The following PLXDC1 variants were observed in gnomAD, a reference collection of about 807,000 sequenced individuals.
PLXDC1 encodes plexin domain-containing protein 1.
Under a neutral mutation model 61.3 loss-of-function variants are expected in PLXDC1, and 39 were observed. That is an observed-to-expected ratio of 0.64 (90% CI 0.49 to 0.83). PLXDC1 has a LOEUF of 0.83. PLXDC1 is among the 40% of genes least tolerant of loss of function. PLXDC1 has a pLI of 0.00. For missense variants in PLXDC1, 596 were observed against 666.5 expected, an observed-to-expected ratio of 0.89 and a Z score of 1.17; for synonymous variants, 212 against 254.5, an observed-to-expected ratio of 0.83 and a Z score of 1.59.
intron 2 of PLXDC1, among the ~76,000 whole-genome samples, chr17:39,121,658 A>G (rs552554696): frequency 8.5e-5 from 13 of 152,324 alleles, no homozygotes; most frequent in African/African-American, 1.9e-4. Context: ...CTGCCTCCCA[A>G]TAACCACTCT....
chr17:39,113,822 C>G lies in PLXDC1; in HGVS notation c.256-4431G>C, dbSNP rs114229632. 3.9e-3 allele frequency among the ~76,000 whole-genome samples: 596 copies of G among 151,200 alleles called. 3 individuals carry two copies. Among genetic ancestry groups the G allele is most frequent in the African/African-American group, 0.014 (576 of 41,150 alleles). ...GCTGTGATTGAGCCACTGCACTCAG[C>G]CTGAGTGACACAGTGAGACTCTGTC... is the stretch of plus-strand genomic sequence containing the variant. On this transcript the variant is annotated intron_variant, in intron 2 of 13. Transcript: ENST00000315392.
intron 7 of PLXDC1, among the ~76,000 whole-genome samples, chr17:39,097,902 T>TA (rs71141758): frequency 0.28 from 28,787 of 102,616 alleles, 3,965 homozygotes; most frequent in Middle Eastern, 0.36. Context: ...ACCCTGTCTA[T>TA]AAAAAAAAAA....
intron 7 of PLXDC1, among the ~76,000 whole-genome samples, chr17:39,105,280 G>A (rs1910554706): frequency 1.3e-5 from 2 of 152,298 alleles, no homozygotes; most frequent in African/African-American, 4.8e-5. Flanking sequence ...TCGTGAGCAC[G>A]CAATGGGGGT....
intron 2 of PLXDC1, among the ~76,000 whole-genome samples, chr17:39,124,998 A>G (rs560224904): frequency 6.6e-6 from 1 of 152,204 alleles, no homozygotes; most frequent in Non-Finnish European, 1.5e-5. Context: ...TGTAATTTTT[A>G]TAGAGCCAGG....
intron 7 of PLXDC1, among the ~76,000 whole-genome samples, chr17:39,102,740 ACT>A (rs754615573): frequency 0.034 from 4,205 of 125,114 alleles, 87 homozygotes; most frequent in African/African-American, 0.056. Context: ...ACACACACAC[ACT>A]CACTCACCTG....
At chr17:39,101,548 G>C (rs1910420874) in intron 7 of PLXDC1, among the ~76,000 whole-genome samples, 1 of 152,170 alleles carries the variant, frequency 6.6e-6, no homozygotes, top group Admixed American at 6.5e-5. Flanking sequence ...CTAGGCCTGG[G>C]GTACAGCCAC....
chr17:39,083,712 C>CTTTTTTTTTTT (rs146279249), intron 8 of PLXDC1, among the ~76,000 whole-genome samples, 172 bp from the exon 9 acceptor site: 3 of 151,994 alleles, frequency 2.0e-5, no homozygotes, highest in Admixed American at 6.5e-5. Context: ...TTCCTAACTT[C>CTTTTTTTTTTT]TTTTTTTAAG....
At chr17:39,144,532 C>T (rs910510144) in intron 1 of PLXDC1, among the ~76,000 whole-genome samples, 4 of 152,236 alleles carry the variant, frequency 2.6e-5, no homozygotes, top group South Asian at 2.1e-4. Context: ...GTCATCCCCA[C>T]GACTCATGAA....
chr17:39,126,994 C>A (rs1017154469), intron 2 of PLXDC1: 1 of 152,158 alleles, frequency 6.6e-6, no homozygotes, highest in East Asian at 1.9e-4. Flanking sequence ...GCTGCCGGTC[C>A]CTTCCCACAC....
chr17:39,068,035 G>T, intron 13 of PLXDC1, 76 bp from the exon 14 acceptor site: 2 of 1,474,610 alleles, frequency 1.4e-6, no homozygotes, highest in Non-Finnish European at 9.4e-7. Context: ...GAGCGACAGA[G>T]CCAACCAAGA....
chr17:39,070,162 G>A, intron 12 of PLXDC1, 146 bp from the exon 13 acceptor site: 1 of 571,186 alleles, frequency 1.8e-6, no homozygotes, highest in Non-Finnish European at 3.1e-6. Context: ...AGGTTGGGTG[G>A]GAGTTGGAAT....
intron 7 of PLXDC1, 47 bp from the exon 8 acceptor site, chr17:39,087,749 G>C: frequency 2.1e-6 from 3 of 1,407,526 alleles, no homozygotes; most frequent in Non-Finnish European, 3.0e-6. Context: ...CACAGGCAGA[G>C]GGCATCGAGG....
intron 7 of PLXDC1, 94 bp from the exon 8 acceptor site, chr17:39,087,796 A>G: frequency 1.2e-6 from 1 of 845,840 alleles, no homozygotes; most frequent in Non-Finnish European, 1.9e-6. Flanking sequence ...AGCCTGCTGC[A>G]CTGAAGGCAG....
chr17:39,074,948 TTTTC>T (rs1186015144), intron 11 of PLXDC1, among the ~76,000 whole-genome samples: 1 of 151,930 alleles, frequency 6.6e-6, no homozygotes, highest in Non-Finnish European at 1.5e-5. Flanking sequence ...TTCTTTTCCT[TTTTC>T]TTTCTTTCTT....
intron 1 of PLXDC1, among the ~76,000 whole-genome samples, chr17:39,140,324 G>A (rs1477735713): frequency 7.8e-6 from 1 of 127,620 alleles, no homozygotes; most frequent in East Asian, 2.5e-4. Flanking sequence ...TTCTTTTTTT[G>A]AAATGGAGTC....
At chr17:39,111,079 G>A (rs906132457) in intron 2 of PLXDC1, among the ~76,000 whole-genome samples, 1 of 152,038 alleles carries the variant, frequency 6.6e-6, no homozygotes, top group African/African-American at 2.4e-5. Flanking sequence ...CCATCAGCCA[G>A]CCCCAGCCTC....
rs573561944 is a variant in PLXDC1, at chr17:39,101,465, C to T, written c.811+4389G>A. Among the ~76,000 whole-genome samples the T allele has an allele frequency of 9.0e-4, 137 of 152,142 alleles. 1 individual carries two copies. Among genetic ancestry groups the T allele is most frequent in the Admixed American group, 3.9e-3 (60 of 15,294 alleles). On this transcript the variant is annotated intron_variant, in intron 7 of 13. Coordinates refer to ENST00000315392, the MANE Select transcript of PLXDC1 (RefSeq NM_020405.5). ...TGTGGAAGAAAGGAGACAGAGGGCA[C>T]GGGGCCCTAAAAAGGGAGACGGAGA...
intron 1 of PLXDC1, among the ~76,000 whole-genome samples, chr17:39,144,116 C>T (rs1912019663): frequency 6.6e-6 from 1 of 152,080 alleles, no homozygotes; most frequent in Admixed American, 6.5e-5. Context: ...ATGGTGGAGG[C>T]CTGCAGCCCG....
At chr17:39,108,280 A>G in intron 4 of PLXDC1, 35 bp from the exon 5 acceptor site, 1 of 1,612,416 alleles carries the variant, frequency 6.2e-7, no homozygotes, top group Non-Finnish European at 8.5e-7. Context: ...GTCACCAGAA[A>G]TGGCCCAGAG....
Sources: allele counts gnomAD v4.1 joint callset (sites outside exome capture counted in the v4.1 genomes callset), GRCh38; gene constraint gnomAD v4.1.1; transcripts MANE v1.5; gene names NCBI Gene and HGNC (gene_info 2026-07-23, HGNC 2026-07-21).